The following CWF19L2 variants were observed in gnomAD, a reference collection of about 807,000 sequenced individuals.
The protein encoded by CWF19L2 is CWF19 like cell cycle control factor 2.
CWF19L2 carries 98 observed loss-of-function variants against 111.7 expected under a neutral mutation model. The ratio of observed to expected loss-of-function variants is 0.88; its 90% confidence interval spans 0.75 to 1.04. The LOEUF (loss-of-function observed/expected upper bound fraction) is 1.04. Ranked by LOEUF, CWF19L2 falls within the 50% of genes least tolerant of loss-of-function variation. The pLI is 0.00. For missense variants in CWF19L2, 1,101 were observed against 1,051.4 expected, an observed-to-expected ratio of 1.05 and a Z score of -0.65; for synonymous variants, 351 against 342.9, an observed-to-expected ratio of 1.02 and a Z score of -0.26.
At chr11:107,385,672 A>G (rs1218586126) in intron 12 of CWF19L2, among the ~76,000 whole-genome samples, 2 of 152,250 alleles carry the variant, frequency 1.3e-5, no homozygotes, top group African/African-American at 4.8e-5. Context: ...AAAATATTAC[A>G]TGGAAAATTT....
At chr11:107,447,747 T>C (rs1231923827) in intron 3 of CWF19L2, among the ~76,000 whole-genome samples, 2 of 150,298 alleles carry the variant, frequency 1.3e-5, no homozygotes, top group Admixed American at 6.6e-5. Flanking sequence ...TTTCATAGGG[T>C]TCAGCATCCA....
intron 3 of CWF19L2, among the ~76,000 whole-genome samples, chr11:107,451,867 A>C (rs1348352042): frequency 1.3e-5 from 2 of 152,224 alleles, no homozygotes; most frequent in Non-Finnish European, 2.9e-5. Flanking sequence ...AAAAGCACTT[A>C]CCAAATTCAA....
intron 10 of CWF19L2, among the ~76,000 whole-genome samples, chr11:107,407,390 T>C (rs1462090526): frequency 2.1e-5 from 3 of 140,818 alleles, no homozygotes; most frequent in Non-Finnish European, 4.9e-5. Flanking sequence ...CATCTAACCC[T>C]TCCCCCTACC....
At chr11:107,427,673 G>A (rs1274380947) in intron 8 of CWF19L2, among the ~76,000 whole-genome samples, 1 of 152,080 alleles carries the variant, frequency 6.6e-6, no homozygotes, top group African/African-American at 2.4e-5. Flanking sequence ...ACTGGGAACT[G>A]GAAATAGTCT....
At chr11:107,362,659 A>G (rs1323982745) in intron 12 of CWF19L2, among the ~76,000 whole-genome samples, 1 of 151,460 alleles carries the variant, frequency 6.6e-6, no homozygotes, top group Non-Finnish European at 1.5e-5. Context: ...CATCCACACC[A>G]AAAACCCATC....
chr11:107,385,766 A>C (rs1320263625), intron 12 of CWF19L2, among the ~76,000 whole-genome samples: 2 of 152,242 alleles, frequency 1.3e-5, no homozygotes, highest in Non-Finnish European at 1.5e-5. Flanking sequence ...CATCCCCCCC[A>C]GGGGACATGA....
At chr11:107,447,799 C>G (rs1279142289) in intron 3 of CWF19L2, among the ~76,000 whole-genome samples, 2 of 151,936 alleles carry the variant, frequency 1.3e-5, no homozygotes, top group Non-Finnish European at 2.9e-5. Flanking sequence ...GCAAATGTGA[C>G]CCATATTCAA....
At chr11:107,403,576 ACT>A (rs768766365) in intron 10 of CWF19L2, 4 of 787,028 alleles carry the variant, frequency 5.1e-6, no homozygotes, top group South Asian at 4.0e-5. Flanking sequence ...CATTCTGTTG[ACT>A]CTCTGTCGTT....
intron 12 of CWF19L2, among the ~76,000 whole-genome samples, chr11:107,362,483 G>A (rs1041162321): frequency 3.9e-5 from 6 of 152,058 alleles, no homozygotes; most frequent in Non-Finnish European, 7.4e-5. Context: ...ATCTGAATAC[G>A]GGCAGACTGC....
At chr11:107,387,798 A>G (rs79022384) in intron 12 of CWF19L2, among the ~76,000 whole-genome samples, 1 of 152,158 alleles carries the variant, frequency 6.6e-6, no homozygotes, top group Non-Finnish European at 1.5e-5. Context: ...AGATCAGACA[A>G]TAATGCCGAC....
intron 12 of CWF19L2, among the ~76,000 whole-genome samples, chr11:107,364,489 C>T (rs1199422118): frequency 1.4e-5 from 2 of 147,386 alleles, no homozygotes; most frequent in East Asian, 4.0e-4. Flanking sequence ...GACCACAGTG[C>T]AATCAAACTA....
chr11:107,425,882 A>G, intron 8 of CWF19L2, among the ~76,000 whole-genome samples: 1 of 151,974 alleles, frequency 6.6e-6, no homozygotes, highest in South Asian at 2.1e-4. Context: ...TTCACATTAC[A>G]TACTCCTCTA....
intron 14 of CWF19L2, among the ~76,000 whole-genome samples, chr11:107,338,277 A>C (rs773013178): frequency 6.6e-6 from 1 of 152,032 alleles, no homozygotes; most frequent in Non-Finnish European, 1.5e-5. Flanking sequence ...TCCACACCCT[A>C]TCCAGTCCTC....
intron 4 of CWF19L2, among the ~76,000 whole-genome samples, 196 bp downstream of exon 4, chr11:107,442,731 AAAGAAAGGAAGG>A (rs1565287097): frequency 3.6e-4 from 38 of 106,194 alleles, no homozygotes; most frequent in Admixed American, 1.2e-3. Context: ...AAAGAGAAAG[AAAGAAAGGAAGG>A]AAGGAAGGAA....
intron 10 of CWF19L2, among the ~76,000 whole-genome samples, chr11:107,403,245 A>T (rs898305583): frequency 2.6e-5 from 4 of 151,758 alleles, no homozygotes; most frequent in African/African-American, 9.7e-5. Flanking sequence ...ATAAAAAAAA[A>T]TTAAAATTAA....
Position 107,336,479 on chromosome 11 carries a change from T to C in CWF19L2, c.2358+79A>G, listed in dbSNP as rs1477869615. 6.9e-6 allele frequency: 8 copies of C among 1,167,698 alleles called. No individual in the cohort carries two copies. The East Asian group carries it at 7.8e-5, about 11-fold the overall frequency. 72.3% of individuals were successfully genotyped at this position (1,167,698 alleles called of 1,614,324 possible). A position where few individuals can be genotyped will look rare whatever the true frequency, so the allele number is the denominator to read the frequency against. On this transcript the variant is annotated intron_variant, in intron 15 of 17. Coordinates refer to ENST00000282251, the MANE Select transcript of CWF19L2 (RefSeq NM_152434.3). The stretch of plus-strand genomic sequence containing the variant: ...GATGTAAGTATATAGGAGAAAAATA[T>C]GTTAATAAAGACAACAATATTTGTA...
At chr11:107,433,134 A>C (rs1861487911) in intron 7 of CWF19L2, among the ~76,000 whole-genome samples, 1 of 152,120 alleles carries the variant, frequency 6.6e-6, no homozygotes, top group Non-Finnish European at 1.5e-5. Context: ...TTCCCCCGGC[A>C]ATTGAAGAGA....
chr11:107,404,071 A>C (rs917641502), intron 10 of CWF19L2: 3 of 770,930 alleles, frequency 3.9e-6, no homozygotes, highest in Non-Finnish European at 7.2e-6. Flanking sequence ...TCTTCAGCAG[A>C]GCTGAATGCT....
At position 107,392,863 on chromosome 11, in the gene CWF19L2, T is replaced by C. The variant is rs1265502561; in HGVS notation, c.1650A>G (p.Arg550=). The change falls in exon 11 of 18, where the codon AGA becomes AGG. Residue 550 remains arginine, a synonymous_variant. Coordinates refer to ENST00000282251, the MANE Select transcript of CWF19L2 (RefSeq NM_152434.3). The stretch of plus-strand genomic sequence containing the variant: ...GCCATACTCTTCCAGACTGATCTGT[T>C]CTGACAAGGATTACTTCTTGCTGGT... ...NEDQQEVILV[R]TDQSGRVWPV... The C allele has an allele frequency of 1.9e-6, 3 of 1,577,456 alleles. No individual in the cohort carries two copies. The highest frequency in any genetic ancestry group is 4.7e-5 in the East Asian group (2 of 42,270).
Sources: allele counts gnomAD v4.1 joint callset (sites outside exome capture counted in the v4.1 genomes callset), GRCh38; gene constraint gnomAD v4.1.1; transcripts MANE v1.5; gene names NCBI Gene and HGNC (gene_info 2026-07-23, HGNC 2026-07-21).